The following ATP10A variants were observed in gnomAD, a reference collection of about 807,000 sequenced individuals.
ATP10A encodes phospholipid-transporting ATPase VA.
Under a neutral mutation model 147.8 loss-of-function variants are expected in ATP10A, and 111 were observed. That is an observed-to-expected ratio of 0.75 (90% CI 0.64 to 0.88). ATP10A has a LOEUF of 0.88. Among genes scored for constraint, ATP10A ranks in the 40% least tolerant of loss-of-function variants. The probability of loss-of-function intolerance (pLI) is 0.00; values close to 1 mark genes in which losing one functional copy is unlikely to be tolerated. For missense variants in ATP10A, 1,927 were observed against 1,959.0 expected, an observed-to-expected ratio of 0.98 and a Z score of 0.31; for synonymous variants, 875 against 841.6, an observed-to-expected ratio of 1.04 and a Z score of -0.69.
At chr15:25,756,274 T>C (rs1055559450) in intron 2 of ATP10A, among the ~76,000 whole-genome samples, 2 of 152,192 alleles carry the variant, frequency 1.3e-5, no homozygotes, top group African/African-American at 2.4e-5. Context: ...TGTTTGTCTA[T>C]ATGTCTGTAT....
chr15:25,723,615 T>C (rs1902378828), intron 6 of ATP10A, among the ~76,000 whole-genome samples: 1 of 151,676 alleles, frequency 6.6e-6, no homozygotes, highest in Non-Finnish European at 1.5e-5. Flanking sequence ...TAAAAGTAAC[T>C]GAAAGGAAAA....
At chr15:25,787,553 A>C (rs1033664863) in intron 1 of ATP10A, among the ~76,000 whole-genome samples, 2 of 151,114 alleles carry the variant, frequency 1.3e-5, no homozygotes, top group Non-Finnish European at 2.9e-5. Flanking sequence ...TTGAGGTGGC[A>C]GTAAGCCCTG....
At position 25,725,970 on chromosome 15, in the gene ATP10A, C is replaced by G. The variant is rs1376109909; in HGVS notation, c.960G>C (p.Met320Ile). 2 of 1,613,740 alleles carry G rather than the reference C, an allele frequency of 1.2e-6. No individual in the cohort carries two copies. Among genetic ancestry groups the G allele is most frequent in the Admixed American group, 3.3e-5 (2 of 60,022 alleles). The change falls in exon 5 of 21, where the codon ATG (methionine) becomes ATC (isoleucine). Residue 320 changes from methionine (M) to isoleucine (I), a missense_variant. Coordinates refer to ENST00000555815, the MANE Select transcript of ATP10A (RefSeq NM_024490.4). ...VLWCVLLLVC[M>I]SLFSAVGHGL... ...ACTTACCGACTGCTGAAAACAGAGA[C>G]ATGCAAACAAGGAGCAGGACACACC...
intron 17 of ATP10A, among the ~76,000 whole-genome samples, chr15:25,682,616 C>G (rs909645696): frequency 6.6e-6 from 1 of 152,200 alleles, no homozygotes; most frequent in Admixed American, 6.5e-5. Flanking sequence ...AAGCAGAGGC[C>G]CTGCTCCCCT....
chr15:25,772,158 T>C (rs956983525), intron 2 of ATP10A, among the ~76,000 whole-genome samples: 6 of 152,188 alleles, frequency 3.9e-5, no homozygotes, highest in Non-Finnish European at 7.3e-5. Flanking sequence ...CAGTCACTCA[T>C]TTCAGTCATC....
intron 9 of ATP10A, among the ~76,000 whole-genome samples, chr15:25,714,963 TATAC>T (rs1277056200): frequency 2.8e-4 from 35 of 123,978 alleles, no homozygotes; most frequent in Admixed American, 7.4e-4. Context: ...GAATGACACA[TATAC>T]ACACACACAC....
intron 13 of ATP10A, 41 bp from the exon 14 acceptor site, chr15:25,695,187 C>G: frequency 1.3e-6 from 2 of 1,547,500 alleles, no homozygotes; most frequent in Non-Finnish European, 1.8e-6. Flanking sequence ...CCCTCAGAGT[C>G]ATGCCACAAA....
At chr15:25,701,458 A>G (rs1292757027) in intron 13 of ATP10A, among the ~76,000 whole-genome samples, 1 of 152,176 alleles carries the variant, frequency 6.6e-6, no homozygotes, top group East Asian at 1.9e-4. Context: ...TTGAGTGGGA[A>G]CTTCTGCGAG....
chr15:25,713,565 G>T lies in ATP10A; in HGVS notation c.2344+109C>A, dbSNP rs972107253. The T allele has an allele frequency of 6.1e-6, 7 of 1,147,496 alleles. No homozygotes were observed. In the African/African-American group the frequency reaches 6.3e-5, roughly 10 times the overall value. The allele number at this position is 1,147,496 out of a possible 1,614,324, so 71.1% of individuals were successfully genotyped here. Reference sequence around the variant, plus strand: ...CAATTCTCCAATGGGCATTTCTGTTGGAAAAGGATTAATGAAAATCACTTT... The same window carrying T: ...CAATTCTCCAATGGGCATTTCTGTTTGAAAAGGATTAATGAAAATCACTTT... On this transcript the variant is annotated intron_variant, in intron 10 of 20. Transcript: ENST00000555815.
intron 2 of ATP10A, among the ~76,000 whole-genome samples, chr15:25,736,507 G>A (rs1379368822): frequency 1.3e-5 from 2 of 152,120 alleles, no homozygotes; most frequent in African/African-American, 4.8e-5. Context: ...TACAGACTTA[G>A]GGAAGCAAAT....
At chr15:25,813,779 G>C (rs765022138) in intron 1 of ATP10A, among the ~76,000 whole-genome samples, 1 of 151,316 alleles carries the variant, frequency 6.6e-6, no homozygotes, top group Non-Finnish European at 1.5e-5. Flanking sequence ...TGACAGATTA[G>C]ACATCACGAA....
chr15:25,751,556 T>C (rs1888158039), intron 2 of ATP10A, among the ~76,000 whole-genome samples: 1 of 152,074 alleles, frequency 6.6e-6, no homozygotes, highest in African/African-American at 2.4e-5. Flanking sequence ...ACTCACATTA[T>C]AAAAAATATT....
chr15:25,720,781 G>A (rs1304648561), intron 7 of ATP10A, among the ~76,000 whole-genome samples: 1 of 152,188 alleles, frequency 6.6e-6, no homozygotes, highest in Non-Finnish European at 1.5e-5. Context: ...GGAAGACTGT[G>A]GCTATCATGA....
chr15:25,862,907 G>A lies in ATP10A; in HGVS notation c.190C>T (p.Leu64Phe), dbSNP rs760454514. ...GCAQHLADNR[L>F]KTTKYTLLSF... ...AGCAGCGTGTACTTGGTAGTCTTGA[G>A]CCGGTTGTCGGCCAGGTGCTGGGCA... The change falls in exon 1 of 21, where the codon CTC becomes TTC. Residue 64 changes from leucine (L) to phenylalanine (F), a missense_variant. Physicochemically the swap from Leu to Phe is conservative, Grantham distance 22. Coordinates refer to ENST00000555815, the MANE Select transcript of ATP10A (RefSeq NM_024490.4). The A allele has an allele frequency of 7.9e-5, 127 of 1,609,338 alleles. No homozygotes were observed. The highest frequency in any genetic ancestry group is 1.0e-4 in the Non-Finnish European group (121 of 1,178,610).
rs1901170600 is a variant in ATP10A at position 25,708,243 on chromosome 15, T to C, written c.2402A>G (p.Asn801Ser). The stretch of plus-strand genomic sequence containing the variant: ...GCGCAGGCCTTCCGCCGCATACACG[T>C]TGAGGTAATTCTGAGTTTTGCTCCG... ...KIRSKTQNYL[N>S]VYAAEGLRTL... Residue 801 changes from asparagine to serine, a missense_variant, in exon 11 of 21, where the codon AAC becomes AGC. Physicochemically the swap from Asn to Ser is conservative, Grantham distance 46. Coordinates refer to ENST00000555815, the MANE Select transcript of ATP10A (RefSeq NM_024490.4). The C allele has an allele frequency of 1.9e-6, 3 of 1,614,166 alleles. No individual in the cohort carries two copies. Among genetic ancestry groups the C allele is most frequent in the Non-Finnish European group, 1.7e-6 (2 of 1,180,024 alleles).
At chr15:25,718,091 G>C (rs1164487210) in intron 8 of ATP10A, 91 bp downstream of exon 8, 2 of 1,360,024 alleles carry the variant, frequency 1.5e-6, no homozygotes. Context: ...TGTATTTGTA[G>C]GATTAAATAT....
intron 3 of ATP10A, among the ~76,000 whole-genome samples, 154 bp from the exon 4 acceptor site, chr15:25,727,420 G>A (rs1205575973): frequency 1.3e-5 from 2 of 152,106 alleles, no homozygotes; most frequent in African/African-American, 4.8e-5. Flanking sequence ...CCCGAGAGTG[G>A]GTGGCTCGCC....
intron 1 of ATP10A, among the ~76,000 whole-genome samples, chr15:25,808,064 C>T (rs1179647063): frequency 6.6e-6 from 1 of 152,220 alleles, no homozygotes; most frequent in Non-Finnish European, 1.5e-5. Flanking sequence ...TGATAGAACA[C>T]ACCTCGAGAT....
chr15:25,812,020 C>T (rs1891455634), intron 1 of ATP10A, among the ~76,000 whole-genome samples: 1 of 152,208 alleles, frequency 6.6e-6, no homozygotes, highest in South Asian at 2.1e-4. Context: ...TCACCCAGCG[C>T]ACGCTCCCCG....
Sources: gnomAD v4.1 joint callset for allele counts (sites outside exome capture counted in the v4.1 genomes callset) on GRCh38, gnomAD v4.1.1 for gene constraint, MANE v1.5 for transcripts, NCBI Gene and HGNC (gene_info 2026-07-23, HGNC 2026-07-21) for gene names.